The following FARP1 variants were observed in gnomAD, a reference collection of about 807,000 sequenced individuals.
The protein encoded by FARP1 is FERM, ARHGEF and pleckstrin domain-containing protein 1.
Under a neutral mutation model 128.8 loss-of-function variants are expected in FARP1, and 52 were observed. That is an observed-to-expected ratio of 0.40 (90% confidence interval 0.32 to 0.51). The LOEUF is 0.51. Among genes scored for constraint, FARP1 ranks in the 20% least tolerant of loss-of-function variants. The pLI, the probability that FARP1 is intolerant of heterozygous loss-of-function variation, is 0.45. For missense variants in FARP1, 1,333 were observed against 1,367.9 expected, an observed-to-expected ratio of 0.97 and a Z score of 0.40; for synonymous variants, 580 against 551.8, an observed-to-expected ratio of 1.05 and a Z score of -0.72.
rs554666197 is a variant in FARP1 at position 98,444,179 on chromosome 13, A to G, written c.2797-1919A>G. Among the ~76,000 whole-genome samples the G allele has an allele frequency of 2.6e-5, 4 of 152,088 alleles. No individual in the cohort carries two copies. In the South Asian group the frequency reaches 8.3e-4, roughly 32 times the overall value. ...CCGTGTCACCAGCTGTCCTCCCTGT[A>G]TCTGCACTCTAATATCCTCTTCTAA... is the stretch of plus-strand genomic sequence containing the variant. On this transcript the variant is annotated intron_variant, in intron 24 of 26. Transcript: ENST00000319562.
chr13:98,451,409 G>A lies in FARP1; in HGVS notation c.*3092G>A, dbSNP rs951425285. The A allele has an allele frequency of 6.6e-6, 1 of 152,110 alleles. No homozygotes were observed. The highest frequency in any genetic ancestry group is 2.4e-5 in the African/African-American group (1 of 41,394). The allele number at this position is 152,110 out of a possible 1,614,324, so 9.4% of individuals were successfully genotyped here. On this transcript the variant is annotated 3_prime_UTR_variant, in exon 27 of 27. Coordinates refer to ENST00000319562, the MANE Select transcript of FARP1 (RefSeq NM_005766.4). ...TTGTATGGAGTAATGAGTACAATAA[G>A]AATTAGCAACTCAGTTCTATTTCCC... is the stretch of plus-strand genomic sequence containing the variant.
At chr13:98,278,972 C>G (rs1025430848) in intron 2 of FARP1, among the ~76,000 whole-genome samples, 3 of 151,412 alleles carry the variant, frequency 2.0e-5, no homozygotes, top group Non-Finnish European at 4.4e-5. Context: ...ACTACAGGCA[C>G]CTGCCACCAC....
At chr13:98,221,956 G>A (rs1329368191) in intron 2 of FARP1, among the ~76,000 whole-genome samples, 1 of 152,210 alleles carries the variant, frequency 6.6e-6, no homozygotes, top group African/African-American at 2.4e-5. Context: ...ATGTTTGAAT[G>A]TTCAATTATT....
chr13:98,304,003 C>G (rs1886029193), intron 2 of FARP1, among the ~76,000 whole-genome samples: 1 of 152,154 alleles, frequency 6.6e-6, no homozygotes, highest in South Asian at 2.1e-4. Context: ...CCTCCTTTTT[C>G]CCTGGTGTGT....
chr13:98,204,540 T>G (rs1442075806), intron 1 of FARP1, among the ~76,000 whole-genome samples: 1 of 152,092 alleles, frequency 6.6e-6, no homozygotes, highest in Non-Finnish European at 1.5e-5. Context: ...TAAATGGTTG[T>G]AAAGTTTACT....
At chr13:98,165,340 A>G (rs2139142813) in intron 1 of FARP1, among the ~76,000 whole-genome samples, 1 of 151,960 alleles carries the variant, frequency 6.6e-6, no homozygotes, top group Admixed American at 6.6e-5. Context: ...TTATGCTGAT[A>G]TTAAAAGAAA....
chr13:98,388,438 A>G lies in FARP1; in HGVS notation c.815A>G (p.Lys272Arg), dbSNP rs774510175. ...NWAKVRKLSFKRKRFLIKLRP... is the reference protein window; with the variant it reads ...NWAKVRKLSFRRKRFLIKLRP... The stretch of plus-strand genomic sequence containing the variant: ...GCCAAGGTGCGGAAGCTGAGCTTCA[A>G]GAGGAAGCGCTTTCTCATCAAGCTC... The change falls in exon 9 of 27, where the codon AAG (lysine) becomes AGG (arginine). Residue 272 changes from lysine (K) to arginine (R), a missense_variant. Physicochemically the swap from Lys to Arg is conservative, Grantham distance 26. Transcript: ENST00000319562. 1.2e-6 allele frequency: 2 copies of G among 1,614,056 alleles called. No homozygotes were observed. The highest frequency in any genetic ancestry group is 2.2e-5 in the South Asian group (2 of 91,076).
chr13:98,291,545 G>A (rs1885445403), intron 2 of FARP1, among the ~76,000 whole-genome samples: 1 of 152,192 alleles, frequency 6.6e-6, no homozygotes, highest in Admixed American at 6.5e-5. Context: ...AGAACTTGGT[G>A]GTTGGATTCC....
intron 2 of FARP1, among the ~76,000 whole-genome samples, chr13:98,284,262 A>C (rs894914416): frequency 4.6e-5 from 7 of 152,220 alleles, no homozygotes; most frequent in African/African-American, 9.6e-5. Flanking sequence ...CTCTTCTTCC[A>C]GTGTGGCCCA....
In FARP1 at chr13:98,365,425, A is replaced by G; in HGVS notation, c.307A>G (p.Lys103Glu). The part of the protein sequence containing the change: ...VWLDLLKPIV[K>E]QIRRPKHVVV... ...GCTGGATCTCCTAAAACCCATTGTG[A>G]AACAGATTAGAAGTGAGTATATACC... Residue 103 changes from lysine (K) to glutamate (E), a missense_variant, in exon 4 of 27, where the codon AAA (lysine) becomes GAA (glutamate). Physicochemically the swap from Lys to Glu is moderately conservative, Grantham distance 56. This residue lies in a region of FARP1 where 324 missense variants were observed against 398.1 expected (regional missense o/e 0.81). Transcript: ENST00000319562. 3 of 1,609,584 alleles carry G rather than the reference A, an allele frequency of 1.9e-6. No individual in the cohort carries two copies. Among genetic ancestry groups the G allele is most frequent in the Non-Finnish European group, 2.6e-6 (3 of 1,176,058 alleles).
At chr13:98,261,045 T>C (rs1883854192) in intron 2 of FARP1, among the ~76,000 whole-genome samples, 1 of 152,104 alleles carries the variant, frequency 6.6e-6, no homozygotes, top group African/African-American at 2.4e-5. Context: ...TGGACAGGTG[T>C]GACAGCTCTA....
chr13:98,440,383 C>T (rs1892475038), intron 23 of FARP1, 148 bp downstream of exon 23: 1 of 684,132 alleles, frequency 1.5e-6, no homozygotes, highest in African/African-American at 1.8e-5. Flanking sequence ...GTTCTTTTTC[C>T]TAAAAGTAAA....
chr13:98,344,017 C>T, intron 3 of FARP1, 151 bp downstream of exon 3: 1 of 637,520 alleles, frequency 1.6e-6, no homozygotes, highest in East Asian at 2.8e-5. Flanking sequence ...TATTTGACAC[C>T]TCAGTACCTC....
At chr13:98,393,008 T>C (rs1890371252) in intron 11 of FARP1, among the ~76,000 whole-genome samples, 1 of 152,202 alleles carries the variant, frequency 6.6e-6, no homozygotes, top group South Asian at 2.1e-4. Flanking sequence ...GGGAATAGAA[T>C]CTATATTTAC....
Position 98,419,481 on chromosome 13 carries a change from A to AC in FARP1, c.1827-5091_1827-5090insC, listed in dbSNP as rs1555294275. The stretch of plus-strand genomic sequence containing the variant: ...AGACGAGACTCTGTCTCCAAAAAAA[A>AC]ATACACACACACACACACACACACA... On this transcript the variant is annotated intron_variant, in intron 16 of 26. Transcript: ENST00000319562. 1.5e-4 allele frequency among the ~76,000 whole-genome samples: 10 copies of AC among 64,904 alleles called. No homozygotes were observed. In the East Asian group the frequency reaches 2.2e-3, roughly 14 times the overall value. 42.6% of individuals were successfully genotyped at this position (64,904 alleles called of 152,430 possible). A position where few individuals can be genotyped will look rare whatever the true frequency, so the allele number is the denominator to read the frequency against.
At chr13:98,432,956 TG>T in intron 18 of FARP1, 2 of 147,834 alleles carry the variant, frequency 1.4e-5, no homozygotes, top group Non-Finnish European at 3.0e-5. Context: ...TAGGGGGTGT[TG>T]GGGGGATCTC....
intron 1 of FARP1, among the ~76,000 whole-genome samples, chr13:98,166,163 T>C (rs566830311): frequency 1.3e-5 from 2 of 152,294 alleles, no homozygotes; most frequent in African/African-American, 2.4e-5. Flanking sequence ...TTTATCGGCA[T>C]ATAAACAGAG....
intron 2 of FARP1, among the ~76,000 whole-genome samples, chr13:98,247,240 CAA>C (rs979111898): frequency 6.7e-6 from 1 of 150,178 alleles, no homozygotes; most frequent in Non-Finnish European, 1.5e-5. Flanking sequence ...ACTCTGTCTC[CAA>C]AAAAAAAGTA....
chr13:98,179,450 G>A (rs970530328), intron 1 of FARP1, among the ~76,000 whole-genome samples: 5 of 152,102 alleles, frequency 3.3e-5, no homozygotes, highest in South Asian at 2.1e-4. Flanking sequence ...CTGGGTTCTC[G>A]AGTTTCTACA....
Sources: allele counts gnomAD v4.1 joint callset (sites outside exome capture counted in the v4.1 genomes callset), GRCh38; gene constraint gnomAD v4.1.1; regional missense constraint gnomAD v4.1.1; transcripts MANE v1.5; gene names NCBI Gene and HGNC (gene_info 2026-07-23, HGNC 2026-07-21).